Variants in COL4A5 observed in about 807,000 individuals in gnomAD.
COL4A5 encodes collagen type IV alpha 5 chain, also known as collagen alpha-5(IV) chain.
In COL4A5, 26 loss-of-function variants were observed where a neutral mutation model predicts 130.2. The ratio of observed to expected loss-of-function variants is 0.20; its 90% CI spans 0.15 to 0.28. The LOEUF is 0.28. Ranked by LOEUF, COL4A5 falls within the 10% of genes least tolerant of loss-of-function variation. COL4A5 has a pLI of 1.00. For missense variants in COL4A5, 1,131 were observed against 1,344.3 expected, an observed-to-expected ratio of 0.84 and a Z score of 2.48; for synonymous variants, 496 against 439.6, an observed-to-expected ratio of 1.13 and a Z score of -1.60.
intron 36 of COL4A5, among the ~76,000 whole-genome samples, chrX:108,652,506 CA>C (rs2067751418): frequency 8.9e-6 from 1 of 112,436 alleles, no homozygotes; most frequent in African/African-American, 3.2e-5. Flanking sequence ...TTGTTTCCCC[CA>C]GTGGCAATGC....
intron 47 of COL4A5, among the ~76,000 whole-genome samples, chrX:108,684,821 C>T (rs765630594): frequency 2.3e-4 from 26 of 112,370 alleles, no homozygotes; most frequent in African/African-American, 6.8e-4. Flanking sequence ...TTCAGTCCAA[C>T]GTCCCTGATG....
intron 1 of COL4A5, among the ~76,000 whole-genome samples, chrX:108,451,507 C>T (rs1378664274): frequency 6.1e-4 from 68 of 111,726 alleles, no homozygotes; most frequent in Middle Eastern, 4.6e-3. Flanking sequence ...CCAGCACCTG[C>T]TGTTTTCTGA....
chrX:108,659,370 C>A (rs764862080), intron 37 of COL4A5, among the ~76,000 whole-genome samples: 5 of 111,098 alleles, frequency 4.5e-5, no homozygotes, highest in Admixed American at 9.6e-5. Flanking sequence ...TTGTATTCTG[C>A]AATTTGTGTA....
chrX:108,692,114 A>G (rs2068647739), intron 49 of COL4A5, among the ~76,000 whole-genome samples: 1 of 112,249 alleles, frequency 8.9e-6, no homozygotes, highest in Non-Finnish European at 1.9e-5. Context: ...TGAGTAAATG[A>G]GAAAAGAAAG....
At position 108,666,499 on chromosome X, in the gene COL4A5, G is replaced by A; in HGVS notation, c.3458G>A (p.Gly1153Asp). The change falls in exon 39 of 53, where the codon GGT becomes GAT. Residue 1153 changes from glycine to aspartate, a missense_variant. Gly to Asp is a moderately conservative substitution (Grantham distance 94, BLOSUM62 -1). Coordinates refer to ENST00000328300, the MANE Select transcript of COL4A5 (RefSeq NM_033380.3). ...CCTGCTGTACTCAATTTTTTAGGTG[G>A]TGGAGGTCATCCTGGGCAACCAGGG... The part of the protein sequence containing the change: ...GLPGEPGPVG[G>D]GGHPGQPGPP... 1 of 1,203,237 alleles carries A rather than the reference G, an allele frequency of 8.3e-7. No individual in the cohort carries two copies. Among genetic ancestry groups the A allele is most frequent in the South Asian group, 1.8e-5 (1 of 55,672 alleles).
chrX:108,642,519 C>T (rs904270317), intron 36 of COL4A5, among the ~76,000 whole-genome samples: 4 of 110,901 alleles, frequency 3.6e-5, no homozygotes, highest in South Asian at 3.9e-4. Context: ...AAGAGGTGCT[C>T]GTACCCATGG....
At position 108,667,149 on chromosome X, in the gene COL4A5, A is replaced by G. The variant is rs1190547342; in HGVS notation, c.3570A>G (p.Gly1190=). 2 of 1,209,356 alleles carry G rather than the reference A, an allele frequency of 1.7e-6. No individual in the cohort carries two copies. The highest frequency in any genetic ancestry group is 3.5e-5 in the African/African-American group (2 of 57,200). ...CTCTGACAGGTCAACCAGGCTTTGGAAACCCAGGACCCCCTGGACTTCCAG... is the reference window on the plus strand; with the variant it reads ...CTCTGACAGGTCAACCAGGCTTTGGGAACCCAGGACCCCCTGGACTTCCAG... The part of the protein sequence containing the change: ...QKGEPGQPGF[G]NPGPPGLPGL... Residue 1190 remains glycine, a synonymous_variant, in exon 40 of 53, where the codon GGA becomes GGG. Transcript: ENST00000328300.
chrX:108,570,463 T>G (rs963292433), intron 6 of COL4A5, among the ~76,000 whole-genome samples: 6 of 112,461 alleles, frequency 5.3e-5, no homozygotes, highest in Non-Finnish European at 1.1e-4. Flanking sequence ...GATTAACTTG[T>G]GTTTCAGGCT....
At chrX:108,475,155 G>A (rs1043401982) in intron 1 of COL4A5, among the ~76,000 whole-genome samples, 4 of 111,179 alleles carry the variant, frequency 3.6e-5, no homozygotes, top group African/African-American at 9.8e-5. Flanking sequence ...AATTTTGATA[G>A]GGATGGCATT....
At chrX:108,477,172 C>T (rs992029955) in intron 1 of COL4A5, among the ~76,000 whole-genome samples, 3 of 111,891 alleles carry the variant, frequency 2.7e-5, no homozygotes, top group Admixed American at 9.5e-5. Context: ...CTCAGAGACA[C>T]GCCTAGGAGC....
intron 36 of COL4A5, among the ~76,000 whole-genome samples, chrX:108,628,481 G>A (rs762520458): frequency 9.0e-6 from 1 of 111,372 alleles, no homozygotes; most frequent in Non-Finnish European, 1.9e-5. Context: ...GAAAAGTAGT[G>A]TATCATTATT....
At chrX:108,597,666 C>T in intron 24 of COL4A5, 98 bp downstream of exon 24, 1 of 773,212 alleles carries the variant, frequency 1.3e-6, no homozygotes, top group East Asian at 3.4e-5. Flanking sequence ...CTGAGATAAA[C>T]ACCCAATCAA....
chrX:108,649,628 G>A (rs1191971163), intron 36 of COL4A5, among the ~76,000 whole-genome samples: 5 of 111,428 alleles, frequency 4.5e-5, no homozygotes, highest in Non-Finnish European at 9.4e-5. Context: ...ACGGATCTTA[G>A]ATAAAGCAAA....
At chrX:108,581,756 T>G (rs941754927) in intron 16 of COL4A5, among the ~76,000 whole-genome samples, 3 of 111,203 alleles carry the variant, frequency 2.7e-5, no homozygotes, top group Non-Finnish European at 5.7e-5. Context: ...TACCATGGTT[T>G]GTTTGTCCAT....
At chrX:108,642,666 C>A (rs1377335239) in intron 36 of COL4A5, among the ~76,000 whole-genome samples, 1 of 109,525 alleles carries the variant, frequency 9.1e-6, no homozygotes, top group Non-Finnish European at 1.9e-5. Flanking sequence ...TCACAGGAAG[C>A]CACATCCATA....
chrX:108,529,039 A>G lies in COL4A5; in HGVS notation c.82-10707A>G, dbSNP rs770431649. 2.7e-5 allele frequency among the ~76,000 whole-genome samples: 3 copies of G among 111,871 alleles called. No homozygotes were observed. The South Asian group carries it at 1.1e-3, about 42-fold the overall frequency. The stretch of plus-strand genomic sequence containing the variant: ...TCAGAAAGTCTAAAGTCAAATATAA[A>G]GAGCAAATCCTGAAAACAGTAAGAG... On this transcript the variant is annotated intron_variant, in intron 1 of 52. Coordinates refer to ENST00000328300, the MANE Select transcript of COL4A5 (RefSeq NM_033380.3).
At chrX:108,539,679 C>T in intron 1 of COL4A5, 67 bp from the exon 2 acceptor site, 4 of 881,722 alleles carry the variant, frequency 4.5e-6, no homozygotes, top group Non-Finnish European at 6.7e-6. Flanking sequence ...TTCAGTTGAG[C>T]TGTAAGTCAG....
At chrX:108,580,946 GTA>G in intron 15 of COL4A5, 35 bp from the exon 16 acceptor site, 3 of 1,166,421 alleles carry the variant, frequency 2.6e-6, no homozygotes, top group Non-Finnish European at 3.5e-6. Context: ...ACTAACAAAT[GTA>G]TGTTGTTGCC....
rs1207832660 is a variant in COL4A5 at position 108,506,311 on chromosome X, G to GT, written c.82-33427dup. 8.5e-4 allele frequency among the ~76,000 whole-genome samples: 91 copies of GT among 107,511 alleles called. 1 individual carries two copies. The highest frequency in any genetic ancestry group is 2.8e-3 in the African/African-American group (84 of 29,567). 93.4% of individuals were successfully genotyped at this position (107,511 alleles called of 115,157 possible). A position where few individuals can be genotyped will look rare whatever the true frequency, so the allele number is the denominator to read the frequency against. On this transcript the variant is annotated intron_variant, in intron 1 of 52. Coordinates refer to ENST00000328300, the MANE Select transcript of COL4A5 (RefSeq NM_033380.3). The stretch of plus-strand genomic sequence containing the variant: ...ACTTATTGTTACTTCTTTGATAATT[G>GT]TTTTTTTTCCCACTAGCCTTTTATT...
Sources: allele counts gnomAD v4.1 joint callset (sites outside exome capture counted in the v4.1 genomes callset), GRCh38; gene constraint gnomAD v4.1.1; transcripts MANE v1.5; gene names NCBI Gene and HGNC (gene_info 2026-07-23, HGNC 2026-07-21).